Variants in SEPTIN9 observed in about 807,000 individuals in gnomAD.
SEPTIN9 encodes septin 9.
SEPTIN9 carries 13 observed loss-of-function variants against 56.6 expected under a neutral mutation model. That is an observed-to-expected ratio of 0.23 (90% CI 0.15 to 0.37). The LOEUF is 0.37. Among genes scored for constraint, SEPTIN9 ranks in the 10% least tolerant of loss-of-function variants. SEPTIN9 has a pLI of 1.00. For synonymous variants in SEPTIN9, 332 were observed against 334.1 expected (o/e 0.99, Z 0.07); for missense variants, 650 against 823.1 (o/e 0.79, Z 2.57).
chr17:77,401,796 C>G (rs2035909187), intron 2 of SEPTIN9, among the ~76,000 whole-genome samples: 1 of 152,068 alleles, frequency 6.6e-6, no homozygotes, highest in South Asian at 2.1e-4. Context: ...GAGGGGGAGG[C>G]TGTGTGGTTT....
At chr17:77,376,225 G>T in intron 2 of SEPTIN9, 1 of 986,190 alleles carries the variant, frequency 1.0e-6, no homozygotes, top group Non-Finnish European at 1.2e-6. Flanking sequence ...ATAAGGAGGG[G>T]CCTGCCTGTG....
At chr17:77,286,507 G>A (rs1598462731) in intron 1 of SEPTIN9, 1 of 152,526 alleles carries the variant, frequency 6.6e-6, no homozygotes, top group Middle Eastern at 3.4e-3. Context: ...GGTGACATGG[G>A]AGCCAACCCT....
chr17:77,370,951 T>C (rs934427231), intron 2 of SEPTIN9, among the ~76,000 whole-genome samples: 2 of 152,340 alleles, frequency 1.3e-5, no homozygotes, highest in African/African-American at 4.8e-5. Context: ...AACTGGATTG[T>C]CCTTGAATGT....
intron 3 of SEPTIN9, among the ~76,000 whole-genome samples, chr17:77,403,092 G>T (rs967001775): frequency 5.9e-5 from 9 of 152,174 alleles, no homozygotes; most frequent in African/African-American, 2.2e-4. Flanking sequence ...GTAGGACAGG[G>T]TGGAGTTGAG....
intron 7 of SEPTIN9, among the ~76,000 whole-genome samples, chr17:77,490,417 C>T (rs954062158): frequency 1.3e-5 from 2 of 152,234 alleles, no homozygotes; most frequent in Non-Finnish European, 2.9e-5. Context: ...CACAGCAAGA[C>T]GGCTGCTGAG....
chr17:77,331,311 G>C (rs2033342282), intron 2 of SEPTIN9, among the ~76,000 whole-genome samples: 1 of 152,226 alleles, frequency 6.6e-6, no homozygotes. Flanking sequence ...CAGAGGGAGA[G>C]AGGAAGAGGC....
intron 2 of SEPTIN9, among the ~76,000 whole-genome samples, chr17:77,398,091 A>G (rs2035783708): frequency 6.6e-6 from 1 of 151,334 alleles, no homozygotes; most frequent in Non-Finnish European, 1.5e-5. Context: ...CTCTCACCTC[A>G]GCCTCTCGAG....
intron 4 of SEPTIN9, among the ~76,000 whole-genome samples, chr17:77,484,427 GTGATGGTGA>G (rs1425564086): frequency 1.0e-5 from 1 of 96,578 alleles, no homozygotes; most frequent in East Asian, 3.0e-4. Context: ...GATGATGTGG[GTGATGGTGA>G]TGGTGGTGAT....
chr17:77,334,491 G>C (rs1266103667), intron 2 of SEPTIN9, among the ~76,000 whole-genome samples: 1 of 150,324 alleles, frequency 6.7e-6, no homozygotes, highest in East Asian at 1.9e-4. Context: ...TCCTTTATCA[G>C]ATATATGTAT....
chr17:77,312,058 C>A (rs775071378), intron 2 of SEPTIN9, among the ~76,000 whole-genome samples: 1 of 152,190 alleles, frequency 6.6e-6, no homozygotes, highest in African/African-American at 2.4e-5. Context: ...CTCATCAACT[C>A]GCCCTCTGCA....
chr17:77,386,170 G>A (rs1039819695), intron 2 of SEPTIN9, among the ~76,000 whole-genome samples: 4 of 152,162 alleles, frequency 2.6e-5, no homozygotes, highest in Admixed American at 2.6e-4. Context: ...TGAAACCTGC[G>A]ATTTAATGAA....
rs113493438 is a variant in SEPTIN9, at chr17:77,419,054, C to A, written c.721+16351C>A. Among the ~76,000 whole-genome samples the A allele has an allele frequency of 4.1e-3, 627 of 152,348 alleles. 4 individuals are homozygous for A. Among genetic ancestry groups the A allele is most frequent in the African/African-American group, 0.014 (597 of 41,580 alleles). On this transcript the variant is annotated intron_variant, in intron 3 of 11. Transcript: ENST00000427177. ...GCACCCTACAACCTGCTTCCTCTAG[C>A]AGCCTGCCCTGTCTCTTCTCTGCCG...
chr17:77,373,512 G>A (rs1206264565), intron 2 of SEPTIN9: 11 of 1,541,408 alleles, frequency 7.1e-6, no homozygotes, highest in African/African-American at 5.6e-5. Context: ...CGGACCCCGC[G>A]GTCAACGCGC....
chr17:77,407,396 G>A (rs2036126739), intron 3 of SEPTIN9, among the ~76,000 whole-genome samples: 1 of 151,846 alleles, frequency 6.6e-6, no homozygotes, highest in Non-Finnish European at 1.5e-5. Context: ...GGTGAGTTGG[G>A]ATGGCTTTTT....
intron 2 of SEPTIN9, chr17:77,373,640 G>GGAGAC: frequency 6.7e-7 from 1 of 1,501,858 alleles, no homozygotes; most frequent in Non-Finnish European, 8.9e-7. Context: ...TGCGCTGAGG[G>GGAGAC]GAGACGGGAG....
At chr17:77,363,200 C>T (rs555254250) in intron 2 of SEPTIN9, among the ~76,000 whole-genome samples, 1 of 152,226 alleles carries the variant, frequency 6.6e-6, no homozygotes, top group Admixed American at 6.5e-5. Context: ...GGACCCAAGA[C>T]CCTGGGGAAG....
At chr17:77,308,106 C>T (rs534336231) in intron 2 of SEPTIN9, among the ~76,000 whole-genome samples, 4 of 152,284 alleles carry the variant, frequency 2.6e-5, no homozygotes, top group East Asian at 1.9e-4. Flanking sequence ...GGACTTACCT[C>T]CCCTAGGAGA....
chr17:77,498,696 T>G lies in SEPTIN9; in HGVS notation c.*38T>G. 1 of 1,215,494 alleles carries G rather than the reference T, an allele frequency of 8.2e-7. No homozygotes were observed. Among genetic ancestry groups the G allele is most frequent in the Non-Finnish European group, 1.1e-6 (1 of 910,290 alleles). The allele number at this position is 1,215,494 out of a possible 1,614,324, so 75.3% of individuals were successfully genotyped here. On this transcript the variant is annotated 3_prime_UTR_variant, in exon 12 of 12. Transcript: ENST00000427177. ...CCACCCCCGGGATCCTGCCCCCAAG[T>G]CATTTCCGTCCCCCCCCAGGCCCTC...
chr17:77,294,069 A>G (rs2031689557), intron 1 of SEPTIN9, among the ~76,000 whole-genome samples: 2 of 149,408 alleles, frequency 1.3e-5, no homozygotes, highest in African/African-American at 5.0e-5. Flanking sequence ...ATGCCACTGC[A>G]CTCCAGCCTG....
Sources: gnomAD v4.1 joint callset for allele counts (sites outside exome capture counted in the v4.1 genomes callset) on GRCh38, gnomAD v4.1.1 for gene constraint, MANE v1.5 for transcripts, NCBI Gene and HGNC (gene_info 2026-07-23, HGNC 2026-07-21) for gene names.